Variants in CEP135 observed in about 807,000 individuals in gnomAD.
CEP135 encodes the protein centrosomal protein of 135 kDa.
CEP135 carries 142 observed loss-of-function variants against 157.3 expected under a neutral mutation model. The observed-to-expected ratio is 0.90, with a 90% CI of 0.79 to 1.04. CEP135 has a LOEUF of 1.04. Ranked by LOEUF, CEP135 falls within the 50% of genes least tolerant of loss-of-function variation. The probability of loss-of-function intolerance (pLI) is 0.00; values close to 1 mark genes in which losing one functional copy is unlikely to be tolerated. For missense variants in CEP135, 1,317 were observed against 1,309.2 expected (o/e 1.01, Z -0.09); for synonymous variants, 396 against 439.8 (o/e 0.90, Z 1.25).
At chr4:55,963,110 G>A (rs569636800) in intron 6 of CEP135, among the ~76,000 whole-genome samples, 54 of 151,904 alleles carry the variant, frequency 3.6e-4, no homozygotes, top group Non-Finnish European at 7.2e-4. Flanking sequence ...TCTTGCCTTC[G>A]CATACCACTC....
At chr4:55,990,406 G>A (rs1729744607) in intron 14 of CEP135, among the ~76,000 whole-genome samples, 2 of 152,094 alleles carry the variant, frequency 1.3e-5, no homozygotes, top group South Asian at 2.1e-4. Flanking sequence ...TTAAATGTAG[G>A]TCATTTTCCC....
chr4:56,001,742 G>C (rs1191814599), intron 17 of CEP135, among the ~76,000 whole-genome samples: 1 of 131,566 alleles, frequency 7.6e-6, no homozygotes, highest in Non-Finnish European at 1.6e-5. Flanking sequence ...GTCTTTAGTG[G>C]TTCCAATTTA....
chr4:55,992,440 T>C (rs1729828299), intron 15 of CEP135, among the ~76,000 whole-genome samples: 1 of 152,256 alleles, frequency 6.6e-6, no homozygotes, highest in South Asian at 2.1e-4. Flanking sequence ...CAGAATTGTT[T>C]ACTACCTATG....
intron 17 of CEP135, among the ~76,000 whole-genome samples, chr4:56,005,879 G>A (rs1351800600): frequency 6.6e-6 from 1 of 152,058 alleles, no homozygotes; most frequent in African/African-American, 2.4e-5. Context: ...TTGTATGGCA[G>A]TTTTTTTCTT....
chr4:55,956,366 T>C, intron 4 of CEP135, among the ~76,000 whole-genome samples: 1 of 152,222 alleles, frequency 6.6e-6, no homozygotes, highest in Non-Finnish European at 1.5e-5. Context: ...AGACAAGATA[T>C]ATCTAGCCAT....
Position 55,954,511 on chromosome 4 carries a change from G to C in CEP135, c.472+128G>C, listed in dbSNP as rs1484147855. ...ACTTTAGTGTTTGAAAATATATATT[G>C]AATAGACCGTAAACTTCTTGATTTA... On this transcript the variant is annotated intron_variant, in intron 4 of 25. Transcript: ENST00000257287. 5 of 669,204 alleles carry C rather than the reference G, an allele frequency of 7.5e-6. No homozygotes were observed. The East Asian group carries it at 1.5e-4, about 20-fold the overall frequency. 41.5% of individuals were successfully genotyped at this position (669,204 alleles called of 1,614,324 possible).
chr4:56,004,669 T>C (rs1280286117), intron 17 of CEP135, among the ~76,000 whole-genome samples: 2 of 152,222 alleles, frequency 1.3e-5, no homozygotes, highest in Non-Finnish European at 2.9e-5. Flanking sequence ...TGACCTTTGT[T>C]GTCTCTTTAT....
chr4:55,995,247 CTT>C (rs942860711), intron 15 of CEP135, among the ~76,000 whole-genome samples: 2 of 152,020 alleles, frequency 1.3e-5, no homozygotes, highest in Non-Finnish European at 2.9e-5. Flanking sequence ...GGTCAACAGT[CTT>C]TTTTTTCCTT....
intron 10 of CEP135, 88 bp downstream of exon 10, chr4:55,971,496 C>T: frequency 7.9e-7 from 1 of 1,259,806 alleles, no homozygotes; most frequent in Non-Finnish European, 1.1e-6. Flanking sequence ...TTCATTCATT[C>T]ATTCAATAAA....
chr4:56,010,692 A>G (rs542416698), intron 19 of CEP135, among the ~76,000 whole-genome samples: 22 of 152,322 alleles, frequency 1.4e-4, no homozygotes, highest in Non-Finnish European at 2.9e-4. Context: ...TAGAATGGCA[A>G]GTACTGAAAG....
At chr4:55,978,112 A>T (rs971523033) in intron 11 of CEP135, among the ~76,000 whole-genome samples, 2 of 152,192 alleles carry the variant, frequency 1.3e-5, no homozygotes, top group African/African-American at 4.8e-5. Flanking sequence ...TGTACAACAG[A>T]TATATTTAAA....
intron 4 of CEP135, 58 bp downstream of exon 4, chr4:55,954,441 C>T: frequency 1.4e-6 from 2 of 1,423,736 alleles, no homozygotes; most frequent in Non-Finnish European, 1.9e-6. Flanking sequence ...ACGATATTAA[C>T]ACCATTGACT....
At chr4:55,959,055 A>C (rs1170787491) in intron 5 of CEP135, among the ~76,000 whole-genome samples, 1 of 152,166 alleles carries the variant, frequency 6.6e-6, no homozygotes, top group Non-Finnish European at 1.5e-5. Flanking sequence ...ACAGGATTCT[A>C]GCCCGGGTAA....
rs1466246923 is a variant in CEP135 at position 55,971,332 on chromosome 4, C to A, written c.1173C>A (p.Asp391Glu). 6.2e-7 allele frequency: 1 copy of A among 1,605,550 alleles called. No individual in the cohort carries two copies. The highest frequency in any genetic ancestry group is 1.3e-5 in the African/African-American group (1 of 74,452). The change falls in exon 10 of 26, where the codon GAC becomes GAA. Residue 391 changes from aspartate (D) to glutamate (E), a missense_variant. Coordinates refer to ENST00000257287, the MANE Select transcript of CEP135 (RefSeq NM_025009.5). ...GTGATGAACTCCTTGTAAAATCAGA[C>A]CTAGAAACTGTTGTTCATCAGCTTG... is the stretch of plus-strand genomic sequence containing the variant. Reference protein sequence around the residue: ...RLSDELLVKSDLETVVHQLEQ... With the variant: ...RLSDELLVKSELETVVHQLEQ...
At chr4:55,999,446 A>G (rs376709574) in intron 16 of CEP135, 29 bp downstream of exon 16, 2 of 1,613,402 alleles carry the variant, frequency 1.2e-6, no homozygotes, top group South Asian at 1.1e-5. Context: ...TGTTTCTGCT[A>G]ATCCTAATGT....
chr4:56,020,676 A>G lies in CEP135; in HGVS notation c.3216A>G (p.Leu1072=). The change falls in exon 24 of 26, where the codon TTA becomes TTG. Residue 1072 remains leucine, a splice_region_variant and synonymous_variant. Coordinates refer to ENST00000257287, the MANE Select transcript of CEP135 (RefSeq NM_025009.5). ...KEKLTLSESK[L]TSQSRENTML... is the part of the protein sequence containing the mutation. ...CTTGATTTTTTAATTTGTTTTTAAG[A>G]ACTAGTCAAAGCCGGGAAAACACCA... 6.2e-7 allele frequency: 1 copy of G among 1,612,304 alleles called. No individual in the cohort carries two copies. The highest frequency in any genetic ancestry group is 8.5e-7 in the Non-Finnish European group (1 of 1,178,904).
intron 13 of CEP135, 78 bp from the exon 14 acceptor site, chr4:55,985,203 A>C: frequency 2.9e-6 from 2 of 692,732 alleles, no homozygotes; most frequent in Non-Finnish European, 5.2e-6. Flanking sequence ...ATAGAACTGT[A>C]GACTTACATT....
rs762584234 is a variant in CEP135, at chr4:56,019,342, T to C, written c.3013-11T>C. On this transcript the variant is annotated splice_polypyrimidine_tract_variant and intron_variant, in intron 22 of 25. Transcript: ENST00000257287. ...TTGTACTGAAGTAATCTTACTTTGT[T>C]TTTCACGTAGGTTGTGGTGGAATTA... 8 of 1,598,544 alleles carry C rather than the reference T, an allele frequency of 5.0e-6. No individual in the cohort carries two copies. The highest frequency in any genetic ancestry group is 6.8e-6 in the Non-Finnish European group (8 of 1,174,520).
At chr4:56,020,865 TAACA>T (rs1176742515) in intron 24 of CEP135, 85 bp downstream of exon 24, 3 of 994,420 alleles carry the variant, frequency 3.0e-6, no homozygotes, top group Non-Finnish European at 4.5e-6. Context: ...GCTTTACAAA[TAACA>T]AACTTTTTAA....
Sources: gnomAD v4.1 joint callset for allele counts (sites outside exome capture counted in the v4.1 genomes callset) on GRCh38, gnomAD v4.1.1 for gene constraint, MANE v1.5 for transcripts, NCBI Gene and HGNC (gene_info 2026-07-23, HGNC 2026-07-21) for gene names.